Variants in NCKAP5 observed in about 807,000 individuals in gnomAD.
NCKAP5 encodes NCK associated protein 5.
Under a neutral mutation model 167.0 loss-of-function variants are expected in NCKAP5, and 92 were observed. The observed-to-expected ratio is 0.55, with a 90% confidence interval of 0.47 to 0.66. NCKAP5 has a LOEUF of 0.66. Ranked by LOEUF, NCKAP5 falls within the 30% of genes least tolerant of loss-of-function variation. NCKAP5 has a pLI of 0.00. For missense variants in NCKAP5, 2,378 were observed against 2,315.0 expected, an observed-to-expected ratio of 1.03 and a Z score of -0.56; for synonymous variants, 891 against 877.4, an observed-to-expected ratio of 1.02 and a Z score of -0.27.
At chr2:133,002,615 G>A (rs2077825459) in intron 6 of NCKAP5, among the ~76,000 whole-genome samples, 1 of 152,054 alleles carries the variant, frequency 6.6e-6, no homozygotes, top group African/African-American at 2.4e-5. Flanking sequence ...TGCCCACTGG[G>A]TACTCTCAAT....
chr2:133,509,586 C>A (rs1302401474), intron 3 of NCKAP5, among the ~76,000 whole-genome samples: 5 of 152,202 alleles, frequency 3.3e-5, no homozygotes, highest in African/African-American at 1.2e-4. Flanking sequence ...ATGTGTCAGA[C>A]TTTAGGAATA....
In NCKAP5 at chr2:133,261,303, G is replaced by T. The variant is rs552135285; in HGVS notation, c.143+41734C>A. On this transcript the variant is annotated intron_variant, in intron 4 of 19. Coordinates refer to ENST00000409261, the MANE Select transcript of NCKAP5 (RefSeq NM_207363.3). Reference sequence around the variant, plus strand: ...TACCAGCAAAAACCACCCAAGGTAGGCTTATCTCATAGGATAACTCTCTCC... The same window carrying T: ...TACCAGCAAAAACCACCCAAGGTAGTCTTATCTCATAGGATAACTCTCTCC... 9.9e-5 allele frequency among the ~76,000 whole-genome samples: 15 copies of T among 152,188 alleles called. No homozygotes were observed. In the East Asian group the frequency reaches 2.9e-3, roughly 29 times the overall value.
At chr2:133,351,652 T>A (rs2150818598) in intron 3 of NCKAP5, among the ~76,000 whole-genome samples, 1 of 152,316 alleles carries the variant, frequency 6.6e-6, no homozygotes, top group East Asian at 1.9e-4. Flanking sequence ...TCACCTGGCA[T>A]GGCTCTCTCC....
intron 6 of NCKAP5, among the ~76,000 whole-genome samples, chr2:133,052,591 A>C (rs193075428): frequency 0.011 from 1,682 of 152,044 alleles, 16 homozygotes; most frequent in Non-Finnish European, 0.017. Context: ...GGTGGTGGGC[A>C]CCTGTAATCC....
chr2:133,548,697 TA>T (rs1282043806), intron 2 of NCKAP5, among the ~76,000 whole-genome samples: 5 of 147,498 alleles, frequency 3.4e-5, no homozygotes, highest in Admixed American at 1.4e-4. Context: ...TTGTCACCAC[TA>T]GGCCTGCCCT....
At chr2:133,052,193 C>A (rs1395595966) in intron 6 of NCKAP5, among the ~76,000 whole-genome samples, 2 of 152,066 alleles carry the variant, frequency 1.3e-5, no homozygotes, top group African/African-American at 4.8e-5. Context: ...ATAAACACAC[C>A]ATTAATCCAA....
intron 6 of NCKAP5, among the ~76,000 whole-genome samples, chr2:133,075,611 A>G (rs2080574003): frequency 6.6e-6 from 1 of 152,220 alleles, no homozygotes; most frequent in South Asian, 2.1e-4. Flanking sequence ...AAAGATTTAT[A>G]TGTTCCACTT....
At chr2:133,187,721 T>A (rs188233841) in intron 5 of NCKAP5, among the ~76,000 whole-genome samples, 1 of 152,166 alleles carries the variant, frequency 6.6e-6, no homozygotes, top group East Asian at 1.9e-4. Flanking sequence ...TCTATAAAAT[T>A]TCCAGTGAGA....
At chr2:133,576,619 T>C in the NCKAP5 span, among the ~76,000 whole-genome samples, 18 of 152,278 alleles carry the variant, frequency 1.2e-4, no homozygotes, top group African/African-American at 4.1e-4. Flanking sequence ...GAAAAATACA[T>C]TGAAATATTT....
intron 3 of NCKAP5, among the ~76,000 whole-genome samples, chr2:133,483,118 ATC>A (rs1460561350): frequency 6.6e-6 from 1 of 152,060 alleles, no homozygotes; most frequent in African/African-American, 2.4e-5. Flanking sequence ...CTTATCTATC[ATC>A]TGTTTTTCTA....
chr2:133,188,084 T>G (rs2085031688), intron 5 of NCKAP5, among the ~76,000 whole-genome samples: 2 of 152,116 alleles, frequency 1.3e-5, no homozygotes, highest in Non-Finnish European at 2.9e-5. Context: ...GTCTTTACAA[T>G]TTGGCATGTT....
At chr2:132,956,500 G>T (rs2076349060) in intron 8 of NCKAP5, among the ~76,000 whole-genome samples, 2 of 152,282 alleles carry the variant, frequency 1.3e-5, no homozygotes, top group South Asian at 4.1e-4. Context: ...TAGCCTGCTT[G>T]CAGATCTCAT....
the NCKAP5 span, among the ~76,000 whole-genome samples, chr2:133,647,694 GAAA>G: frequency 1.5e-5 from 1 of 66,412 alleles, no homozygotes; most frequent in Admixed American, 2.1e-4. Flanking sequence ...AAGGAAGGAA[GAAA>G]GAAGGAAAGA....
chr2:133,185,104 T>G (rs948056176), intron 5 of NCKAP5, among the ~76,000 whole-genome samples: 1 of 152,156 alleles, frequency 6.6e-6, no homozygotes, highest in Admixed American at 6.6e-5. Flanking sequence ...TTCACACATT[T>G]AAGTCTTTTG....
intron 6 of NCKAP5, among the ~76,000 whole-genome samples, chr2:133,129,677 T>C (rs1187887821): frequency 6.6e-6 from 1 of 152,228 alleles, no homozygotes; most frequent in Non-Finnish European, 1.5e-5. Context: ...TGGCTGGCCT[T>C]TTAAAGGACA....
At chr2:133,179,859 CAG>C (rs1559231872) in intron 5 of NCKAP5, among the ~76,000 whole-genome samples, 3 of 151,610 alleles carry the variant, frequency 2.0e-5, no homozygotes, top group African/African-American at 7.3e-5. Flanking sequence ...AGGAATGAAA[CAG>C]AGGGTTTCAG....
chr2:132,895,054 G>A (rs892111493), intron 8 of NCKAP5, among the ~76,000 whole-genome samples: 1 of 152,076 alleles, frequency 6.6e-6, no homozygotes, highest in Non-Finnish European at 1.5e-5. Flanking sequence ...AATAAGGGCC[G>A]GGCGCAGTGG....
chr2:132,983,382 T>C (rs2149274098), intron 7 of NCKAP5, among the ~76,000 whole-genome samples: 1 of 152,308 alleles, frequency 6.6e-6, no homozygotes, highest in East Asian at 1.9e-4. Context: ...CTGTTTCTTG[T>C]TCCAGTTCTC....
At chr2:132,712,565 T>C (rs1176268825) in intron 19 of NCKAP5, among the ~76,000 whole-genome samples, 1 of 151,442 alleles carries the variant, frequency 6.6e-6, no homozygotes, top group East Asian at 2.0e-4. Context: ...GGCAGGAGAA[T>C]GGCGTGAACC....
Sources: allele counts gnomAD v4.1 joint callset (sites outside exome capture counted in the v4.1 genomes callset), GRCh38; gene constraint gnomAD v4.1.1; transcripts MANE v1.5; gene names NCBI Gene and HGNC (gene_info 2026-07-23, HGNC 2026-07-21).